The following RAB11FIP4 variants were observed in gnomAD, a reference collection of about 807,000 sequenced individuals.
The protein encoded by RAB11FIP4 is RAB11 family interacting protein 4, also known as rab11 family-interacting protein 4.
In RAB11FIP4, 23 loss-of-function variants were observed where a neutral mutation model predicts 74.3. The ratio of observed to expected loss-of-function variants is 0.31; its 90% CI spans 0.22 to 0.44. RAB11FIP4 has a LOEUF of 0.44. Among genes scored for constraint, RAB11FIP4 ranks in the 20% least tolerant of loss-of-function variants. RAB11FIP4 has a pLI of 1.00. For synonymous variants in RAB11FIP4, 360 were observed against 359.9 expected (o/e 1.00, Z 0.00); for missense variants, 630 against 863.9 (o/e 0.73, Z 3.39).
At chr17:31,399,784 C>G (rs1002951025) in intron 1 of RAB11FIP4, among the ~76,000 whole-genome samples, 1 of 151,840 alleles carries the variant, frequency 6.6e-6, no homozygotes, top group Non-Finnish European at 1.5e-5. Flanking sequence ...TGGCTCAAGC[C>G]TGTAATCCTA....
rs918322761 is a variant in RAB11FIP4, at chr17:31,391,862, G to T, written c.10G>T (p.Gly4Cys). Reference sequence around the variant, plus strand: ...CTGCGGGCCGGCCCGGATGGCGGGCGGCGCGGGCTGGTCGGGCGCCCCCGC... The same window carrying T: ...CTGCGGGCCGGCCCGGATGGCGGGCTGCGCGGGCTGGTCGGGCGCCCCCGC... MAG[G>C]AGWSGAPAAL... Residue 4 changes from glycine (G) to cysteine (C), a missense_variant, in exon 1 of 15, where the codon GGC becomes TGC. Physicochemically the swap from Gly to Cys is radical, Grantham distance 159. Coordinates refer to ENST00000621161, the MANE Select transcript of RAB11FIP4 (RefSeq NM_032932.6). 1.7e-5 allele frequency: 19 copies of T among 1,141,666 alleles called. No homozygotes were observed. The East Asian group carries it at 2.6e-4, about 16-fold the overall frequency. 70.7% of individuals were successfully genotyped at this position (1,141,666 alleles called of 1,614,324 possible).
intron 13 of RAB11FIP4, among the ~76,000 whole-genome samples, chr17:31,529,280 T>C (rs1432960318): frequency 6.6e-6 from 1 of 151,954 alleles, no homozygotes; most frequent in African/African-American, 2.4e-5. Context: ...TTTTTGTTTT[T>C]TGAGGCAGGG....
chr17:31,442,235 G>A (rs1336161826), intron 3 of RAB11FIP4, among the ~76,000 whole-genome samples: 35 of 152,094 alleles, frequency 2.3e-4, no homozygotes, highest in East Asian at 1.9e-4. Flanking sequence ...TCCTGACCTC[G>A]TGATCCACCT....
chr17:31,461,000 A>G (rs542605543), intron 3 of RAB11FIP4, among the ~76,000 whole-genome samples: 1 of 151,078 alleles, frequency 6.6e-6, no homozygotes, highest in Non-Finnish European at 1.5e-5. Flanking sequence ...CCTACCACCC[A>G]CAGCCTCCCC....
At chr17:31,473,346 C>T (rs988347688) in intron 3 of RAB11FIP4, among the ~76,000 whole-genome samples, 1 of 150,534 alleles carries the variant, frequency 6.6e-6, no homozygotes, top group Non-Finnish European at 1.5e-5. Flanking sequence ...TCAAGACCAG[C>T]CTGGACAACA....
chr17:31,472,123 T>C (rs1207033181), intron 3 of RAB11FIP4, among the ~76,000 whole-genome samples: 5 of 150,390 alleles, frequency 3.3e-5, no homozygotes, highest in Non-Finnish European at 5.9e-5. Flanking sequence ...GATCGTGCCA[T>C]TGCACTCCAG....
At chr17:31,433,906 T>C (rs1430463188) in intron 2 of RAB11FIP4, 128 bp from the exon 3 acceptor site, 1 of 825,930 alleles carries the variant, frequency 1.2e-6, no homozygotes, top group Non-Finnish European at 2.0e-6. Flanking sequence ...AGTGCTCAGC[T>C]GGCCTCCTGG....
At chr17:31,410,473 G>A (rs1346575608) in intron 1 of RAB11FIP4, among the ~76,000 whole-genome samples, 2 of 152,170 alleles carry the variant, frequency 1.3e-5, no homozygotes, top group East Asian at 1.9e-4. Flanking sequence ...CAGCACTTTG[G>A]GAGGCTGAGG....
At chr17:31,524,083 A>G in intron 9 of RAB11FIP4, 87 bp downstream of exon 9, 1 of 927,654 alleles carries the variant, frequency 1.1e-6, no homozygotes, top group Middle Eastern at 3.1e-4. Context: ...AGGAGGAGGC[A>G]GCCTCATGCC....
In RAB11FIP4 at chr17:31,522,001, A is replaced by G; in HGVS notation, c.845A>G (p.Asn282Ser). 6.2e-7 allele frequency: 1 copy of G among 1,614,136 alleles called. No homozygotes were observed. Among genetic ancestry groups the G allele is most frequent in the Non-Finnish European group, 8.5e-7 (1 of 1,180,032 alleles). Reference sequence around the variant, plus strand: ...TGCTCTCAATGCTGCAAGAAAATCAACCTGCTCAATGACTTGGAAGCCCGA... The same window carrying G: ...TGCTCTCAATGCTGCAAGAAAATCAGCCTGCTCAATGACTTGGAAGCCCGA... ...VYCSQCCKKI[N>S]LLNDLEARLK... Residue 282 changes from asparagine to serine, a missense_variant, in exon 6 of 15, where the codon AAC (asparagine) becomes AGC (serine). Transcript: ENST00000621161.
At chr17:31,419,507 T>C (rs2071178751) in intron 1 of RAB11FIP4, among the ~76,000 whole-genome samples, 1 of 151,910 alleles carries the variant, frequency 6.6e-6, no homozygotes, top group Admixed American at 6.5e-5. Context: ...CAGAGGCTCA[T>C]TGCATCTGTG....
chr17:31,486,249 A>AATAC (rs2071900492), intron 3 of RAB11FIP4, among the ~76,000 whole-genome samples: 1 of 151,806 alleles, frequency 6.6e-6, no homozygotes, highest in Non-Finnish European at 1.5e-5. Flanking sequence ...TAAATAAATA[A>AATAC]ATAAACAAAT....
At chr17:31,474,406 T>G (rs1422702252) in intron 3 of RAB11FIP4, among the ~76,000 whole-genome samples, 2 of 152,102 alleles carry the variant, frequency 1.3e-5, no homozygotes, top group Non-Finnish European at 2.9e-5. Flanking sequence ...GTGCGGTGGC[T>G]CACACCTGTA....
intron 1 of RAB11FIP4, among the ~76,000 whole-genome samples, chr17:31,410,055 A>T (rs1381399871): frequency 6.6e-6 from 1 of 152,140 alleles, no homozygotes; most frequent in Non-Finnish European, 1.5e-5. Flanking sequence ...CACCTGCGAA[A>T]TTGGGATGCG....
chr17:31,396,461 A>G (rs2070932406), intron 1 of RAB11FIP4, among the ~76,000 whole-genome samples: 1 of 152,232 alleles, frequency 6.6e-6, no homozygotes, highest in South Asian at 2.1e-4. Flanking sequence ...GAGTGAGTTA[A>G]TACATACAAA....
intron 9 of RAB11FIP4, 54 bp downstream of exon 9, chr17:31,524,050 G>A: frequency 7.4e-7 from 1 of 1,351,278 alleles, no homozygotes; most frequent in Admixed American, 1.9e-5. Flanking sequence ...GAACAAAGGG[G>A]GGTCCATCTT....
chr17:31,491,812 C>T (rs1487475288), intron 3 of RAB11FIP4, among the ~76,000 whole-genome samples: 2 of 152,166 alleles, frequency 1.3e-5, no homozygotes, highest in Admixed American at 6.5e-5. Context: ...AGAGCCTCCG[C>T]GTCGAGGGGA....
At chr17:31,428,634 C>T (rs1052306203) in intron 1 of RAB11FIP4, among the ~76,000 whole-genome samples, 1 of 152,060 alleles carries the variant, frequency 6.6e-6, no homozygotes, top group African/African-American at 2.4e-5. Context: ...AGAACCAGCA[C>T]CTACCACCAT....
In RAB11FIP4 at chr17:31,434,031, C is replaced by T; in HGVS notation, c.248-3C>T. The T allele has an allele frequency of 6.3e-7, 1 of 1,579,204 alleles. No individual in the cohort carries two copies. The highest frequency in any genetic ancestry group is 8.5e-7 in the Non-Finnish European group (1 of 1,171,254). ...TGTCCCGTGTGTCTGCCTGTCTGCG[C>T]AGGGTGCGAGGAGCTGCTGAAGGAT... On this transcript the variant is annotated splice_polypyrimidine_tract_variant and splice_region_variant and intron_variant, in intron 2 of 14. Transcript: ENST00000621161.
Sources: allele counts gnomAD v4.1 joint callset (sites outside exome capture counted in the v4.1 genomes callset), GRCh38; gene constraint gnomAD v4.1.1; transcripts MANE v1.5; gene names NCBI Gene and HGNC (gene_info 2026-07-23, HGNC 2026-07-21).